TXNRD2: variants seen among roughly 807,000 people sequenced by gnomAD.
TXNRD2 encodes thioredoxin reductase 2.
In TXNRD2, 67 loss-of-function variants were observed where a neutral mutation model predicts 70.8. The observed-to-expected ratio is 0.95, with a 90% CI of 0.78 to 1.16. TXNRD2 has a LOEUF of 1.16. Ranked by LOEUF, TXNRD2 falls within the 50% of genes most tolerant of loss-of-function variation. The pLI is 0.00. For synonymous variants in TXNRD2, 301 were observed against 295.8 expected (o/e 1.02, Z -0.18); for missense variants, 644 against 719.9 (o/e 0.89, Z 1.21).
chr22:19,916,287 G>A (rs1940635126), intron 5 of TXNRD2: 1 of 220,202 alleles, frequency 4.5e-6, no homozygotes, highest in Non-Finnish European at 9.2e-6. Flanking sequence ...GCAAAACAGT[G>A]GCTGGGAGCA....
At chr22:19,882,819 C>G (rs1415402931) in intron 12 of TXNRD2, among the ~76,000 whole-genome samples, 3 of 152,260 alleles carry the variant, frequency 2.0e-5, no homozygotes, top group Admixed American at 6.5e-5. Context: ...CCGGTCTCCA[C>G]TTCACAGCAG....
chr22:19,914,984 A>G, intron 7 of TXNRD2: 1 of 540,756 alleles, frequency 1.8e-6, no homozygotes, highest in Non-Finnish European at 3.4e-6. Context: ...GCAGGGGGAG[A>G]GCAGAACGAG....
chr22:19,918,748 A>G (rs905324648), intron 4 of TXNRD2, 112 bp downstream of exon 4: 10 of 1,355,556 alleles, frequency 7.4e-6, no homozygotes, highest in Non-Finnish European at 1.0e-5. Flanking sequence ...TGGCTGAGAA[A>G]CCCATCCTAC....
At chr22:19,913,277 G>A (rs1220629932) in intron 7 of TXNRD2, among the ~76,000 whole-genome samples, 1 of 152,202 alleles carries the variant, frequency 6.6e-6, no homozygotes, top group Non-Finnish European at 1.5e-5. Flanking sequence ...GCAACACAGG[G>A]AACATTTAAA....
intron 8 of TXNRD2, among the ~76,000 whole-genome samples, chr22:19,909,188 AGAGT>A (rs1294954580): frequency 6.6e-6 from 1 of 150,526 alleles, no homozygotes; most frequent in Non-Finnish European, 1.5e-5. Context: ...CCTGGGCAAC[AGAGT>A]GAGACTCTGT....
At chr22:19,903,376 C>T (rs1339212234) in intron 8 of TXNRD2, among the ~76,000 whole-genome samples, 3 of 152,236 alleles carry the variant, frequency 2.0e-5, no homozygotes, top group African/African-American at 7.2e-5. Flanking sequence ...TTGCAGAAAG[C>T]GGACCTACAG....
chr22:19,923,206 C>A (rs1429360871), intron 2 of TXNRD2, among the ~76,000 whole-genome samples: 2 of 152,212 alleles, frequency 1.3e-5, no homozygotes, highest in Non-Finnish European at 2.9e-5. Context: ...TCCACCCCCT[C>A]TCCCACATGC....
At chr22:19,878,563 G>T in intron 14 of TXNRD2, 126 bp from the exon 15 acceptor site, 1 of 913,428 alleles carries the variant, frequency 1.1e-6, no homozygotes, top group South Asian at 1.3e-5. Flanking sequence ...CTGGCCTGAA[G>T]GTCTGGTCTG....
chr22:19,938,562 T>A (rs1941606087), intron 1 of TXNRD2, among the ~76,000 whole-genome samples: 1 of 152,132 alleles, frequency 6.6e-6, no homozygotes, highest in Non-Finnish European at 1.5e-5. Context: ...AACATGAAAC[T>A]AGAAGGTGTT....
intron 14 of TXNRD2, among the ~76,000 whole-genome samples, chr22:19,878,874 C>CT (rs1938627717): frequency 6.6e-6 from 1 of 152,242 alleles, no homozygotes; most frequent in Admixed American, 6.5e-5. Context: ...AGCAAGGCCG[C>CT]TGTGGCCACA....
intron 2 of TXNRD2, among the ~76,000 whole-genome samples, chr22:19,923,750 C>T (rs5993867): frequency 1.1e-4 from 16 of 151,126 alleles, no homozygotes; most frequent in African/African-American, 2.7e-4. Flanking sequence ...TGCAGTGAGC[C>T]GAGATGGCAC....
At chr22:19,928,398 G>A (rs1941232713) in intron 2 of TXNRD2, among the ~76,000 whole-genome samples, 1 of 152,154 alleles carries the variant, frequency 6.6e-6, no homozygotes, top group Non-Finnish European at 1.5e-5. Flanking sequence ...TGAAAAGCAA[G>A]AAACCATCGA....
intron 8 of TXNRD2, among the ~76,000 whole-genome samples, chr22:19,909,664 C>G (rs1940254689): frequency 2.2e-5 from 3 of 138,012 alleles, no homozygotes; most frequent in African/African-American, 8.2e-5. Context: ...TTCACACACA[C>G]ACCACTCACA....
intron 1 of TXNRD2, among the ~76,000 whole-genome samples, chr22:19,933,766 G>C (rs1019606365): frequency 1.2e-4 from 18 of 152,306 alleles, no homozygotes; most frequent in Admixed American, 5.9e-4. Flanking sequence ...GGGAGGAAGG[G>C]CTGGGTGGCA....
At position 19,933,148 on chromosome 22, in the gene TXNRD2, G is replaced by A. The variant is rs967298408; in HGVS notation, c.104-2050C>T. 9.8e-5 allele frequency among the ~76,000 whole-genome samples: 15 copies of A among 152,342 alleles called. 1 individual carries two copies. Among genetic ancestry groups the A allele is most frequent in the Admixed American group, 9.8e-4 (15 of 15,306 alleles). On this transcript the variant is annotated intron_variant, in intron 1 of 17. Transcript: ENST00000400521. ...CTTTCACCTGGCAGCCAGCCTCTGAGTGCACGTGAGATGTGTGCGCACCTG... is the reference window on the plus strand; with the variant it reads ...CTTTCACCTGGCAGCCAGCCTCTGAATGCACGTGAGATGTGTGCGCACCTG...
chr22:19,909,702 ACAC>A (rs1449082470), intron 8 of TXNRD2, among the ~76,000 whole-genome samples: 3 of 135,294 alleles, frequency 2.2e-5, no homozygotes, highest in Non-Finnish European at 4.7e-5. Flanking sequence ...CTGCTCACAC[ACAC>A]CACACACACC....
rs866415271 is a variant in TXNRD2, at chr22:19,907,847, G to A, written c.662+3530C>T. The stretch of plus-strand genomic sequence containing the variant: ...TGACCGCTCTCAGGAGAGTGTGGGC[G>A]CCATGGGTAGCAGTGACCGCTCTCA... On this transcript the variant is annotated intron_variant, in intron 8 of 17. Transcript: ENST00000400521. Among the ~76,000 whole-genome samples the A allele has an allele frequency of 1.5e-3, 65 of 43,216 alleles. 1 individual carries two copies. Among genetic ancestry groups the A allele is most frequent in the African/African-American group, 5.7e-3 (57 of 9,924 alleles). The allele number at this position is 43,216 out of a possible 152,430, so 28.4% of individuals were successfully genotyped here.
intron 1 of TXNRD2, among the ~76,000 whole-genome samples, chr22:19,936,176 T>C (rs1005972091): frequency 1.4e-4 from 21 of 152,090 alleles, no homozygotes; most frequent in Non-Finnish European, 2.4e-4. Context: ...GATTGGGCCT[T>C]GGTACGTGCC....
At chr22:19,920,921 T>A (rs1239184421) in intron 2 of TXNRD2, among the ~76,000 whole-genome samples, 1 of 151,988 alleles carries the variant, frequency 6.6e-6, no homozygotes. Flanking sequence ...GCTAACACGG[T>A]GAAACCCTGT....
Sources: allele counts gnomAD v4.1 joint callset (sites outside exome capture counted in the v4.1 genomes callset), GRCh38; gene constraint gnomAD v4.1.1; transcripts MANE v1.5; gene names NCBI Gene and HGNC (gene_info 2026-07-23, HGNC 2026-07-21).